ZPLD1: variants seen among roughly 807,000 people sequenced by gnomAD.
ZPLD1 encodes zona pellucida like domain containing 1, also known as zona pellucida-like domain-containing protein 1.
ZPLD1 carries 34 observed loss-of-function variants against 47.2 expected under a neutral mutation model. The ratio of observed to expected loss-of-function variants is 0.72; its 90% CI spans 0.55 to 0.96. The LOEUF is 0.96. ZPLD1 is among the 40% of genes least tolerant of loss of function. The probability of loss-of-function intolerance (pLI) is 0.00; values close to 1 mark genes in which losing one functional copy is unlikely to be tolerated. For synonymous variants in ZPLD1, 176 were observed against 186.2 expected (o/e 0.95, Z 0.45); for missense variants, 512 against 505.8 (o/e 1.01, Z -0.12).
intron 5 of ZPLD1, among the ~76,000 whole-genome samples, 183 bp from the exon 6 acceptor site, chr3:102,457,598 C>T (rs1707438337): frequency 6.6e-6 from 1 of 152,154 alleles, no homozygotes; most frequent in Non-Finnish European, 1.5e-5. Context: ...CTTGTCTTTA[C>T]TTGTTCCCTC....
chr3:102,405,245 G>T (rs773152961), intron 7 of ZPLD1, among the ~76,000 whole-genome samples: 1 of 151,890 alleles, frequency 6.6e-6, no homozygotes, highest in Non-Finnish European at 1.5e-5. Flanking sequence ...TCTCTGATTT[G>T]CAGGGAAAAG....
chr3:102,438,833 C>G (rs1305639529), intron 3 of ZPLD1, among the ~76,000 whole-genome samples: 6 of 151,950 alleles, frequency 3.9e-5, no homozygotes, highest in African/African-American at 1.5e-4. Context: ...AAAAATATTG[C>G]CTACTGTGTA....
At chr3:102,475,925 A>C (rs1707752206) in intron 10 of ZPLD1, among the ~76,000 whole-genome samples, 2 of 152,260 alleles carry the variant, frequency 1.3e-5, no homozygotes, top group South Asian at 4.1e-4. Flanking sequence ...TGAGATATTC[A>C]TCTTCATAAC....
At chr3:102,436,425 T>A (rs1190353324) in intron 1 of ZPLD1, among the ~76,000 whole-genome samples, 3 of 152,236 alleles carry the variant, frequency 2.0e-5, no homozygotes, top group African/African-American at 7.2e-5. Flanking sequence ...AATTGTTTAC[T>A]CATTATAAAT....
chr3:102,421,962 G>A (rs935758907), intron 8 of ZPLD1, among the ~76,000 whole-genome samples: 2 of 151,944 alleles, frequency 1.3e-5, no homozygotes, highest in African/African-American at 4.8e-5. Context: ...TATTTCTAGT[G>A]ATGGATAGAT....
Position 102,477,868 on chromosome 3 carries a change from G to T in ZPLD1, c.*250G>T. On this transcript the variant is annotated 3_prime_UTR_variant, in exon 12 of 12. Transcript: ENST00000466937. ...ATTGACAATAAGTGAAAAATATTCAGGACTTAGGGCTTACAGGATCAGTAA... is the reference window on the plus strand; with the variant it reads ...ATTGACAATAAGTGAAAAATATTCATGACTTAGGGCTTACAGGATCAGTAA... 2 of 322,338 alleles carry T rather than the reference G, an allele frequency of 6.2e-6. No homozygotes were observed. The allele number at this position is 322,338 out of a possible 1,614,324, so 20.0% of individuals were successfully genotyped here.
At chr3:102,400,042 C>T (rs901568339) in intron 7 of ZPLD1, among the ~76,000 whole-genome samples, 3 of 151,998 alleles carry the variant, frequency 2.0e-5, no homozygotes, top group African/African-American at 7.2e-5. Context: ...TGGTCTTGAA[C>T]TCCTGGGCTC....
chr3:102,417,428 T>C (rs111666865), intron 7 of ZPLD1, among the ~76,000 whole-genome samples: 7 of 152,048 alleles, frequency 4.6e-5, no homozygotes, highest in African/African-American at 1.7e-4. Flanking sequence ...TAATAGCTTA[T>C]GGAGTGGAAT....
In ZPLD1 at chr3:102,435,025, T is replaced by G. The variant is rs1361369883; in HGVS notation, c.-252T>G. ...TGTTTTTGAGGAATGTAAAGGGTGT[T>G]AACATAATCCCCCAATCCCATACAA... On this transcript the variant is annotated 5_prime_UTR_variant, in exon 1 of 12. Coordinates refer to ENST00000466937, the MANE Select transcript of ZPLD1 (RefSeq NM_001329788.2). The G allele has an allele frequency of 1.4e-6, 2 of 1,450,308 alleles. No individual in the cohort carries two copies. The highest frequency in any genetic ancestry group is 9.7e-7 in the Non-Finnish European group (1 of 1,033,902). The allele number at this position is 1,450,308 out of a possible 1,614,324, so 89.8% of individuals were successfully genotyped here.
At chr3:102,402,204 T>C (rs1706629304) in intron 7 of ZPLD1, among the ~76,000 whole-genome samples, 1 of 152,186 alleles carries the variant, frequency 6.6e-6, no homozygotes, top group African/African-American at 2.4e-5. Flanking sequence ...TTAGTTTAAG[T>C]ATTTTACTGC....
chr3:102,446,284 C>T (rs917011299), intron 3 of ZPLD1, among the ~76,000 whole-genome samples: 7 of 152,146 alleles, frequency 4.6e-5, no homozygotes, highest in East Asian at 1.9e-4. Context: ...TAGAACATGA[C>T]GGGATGATTA....
chr3:102,432,979 A>G (rs1268381724), upstream of ZPLD1, among the ~76,000 whole-genome samples: 1 of 152,114 alleles, frequency 6.6e-6, no homozygotes, highest in Non-Finnish European at 1.5e-5. Context: ...TGCTTTATTC[A>G]TCTCCATAGC....
At position 102,477,570 on chromosome 3, in the gene ZPLD1, A is replaced by AC; in HGVS notation, c.1203dup (p.Thr402HisfsTer14). ...CACTGGCCCTTCTGCACAGGAAGGG[A>AC]CCCACAAGTTTAGTGTTGAATGGCA... On this transcript the variant is annotated frameshift_variant, in exon 12 of 12. Transcript: ENST00000466937. LOFTEE classifies it high-confidence loss of function. 6.2e-7 allele frequency: 1 copy of AC among 1,613,598 alleles called. No homozygotes were observed.
At chr3:102,398,665 A>AATG (rs1326231792) in intron 7 of ZPLD1, among the ~76,000 whole-genome samples, 1 of 152,154 alleles carries the variant, frequency 6.6e-6, no homozygotes, top group Non-Finnish European at 1.5e-5. Context: ...GACCATCTTC[A>AATG]ATGTGGCCTG....
chr3:102,445,477 G>A (rs1436001918), intron 3 of ZPLD1, among the ~76,000 whole-genome samples: 2 of 152,196 alleles, frequency 1.3e-5, no homozygotes, highest in Admixed American at 6.5e-5. Flanking sequence ...ATCCACCTAT[G>A]AGCTATCTTC....
intron 4 of ZPLD1, among the ~76,000 whole-genome samples, chr3:102,454,945 G>A (rs962259070): frequency 9.2e-5 from 14 of 152,328 alleles, no homozygotes; most frequent in African/African-American, 3.4e-4. Context: ...AATAAAGCAA[G>A]TAGTGGGAGG....
At chr3:102,417,733 G>A (rs1004828779) in intron 7 of ZPLD1, among the ~76,000 whole-genome samples, 1 of 151,942 alleles carries the variant, frequency 6.6e-6, no homozygotes. Context: ...TAACTGTGCA[G>A]ATTAGCTCCC....
rs1707098899 is a variant in ZPLD1, at chr3:102,436,899, GT to G, written c.-80del. ...TTGGGGACAACAGTGTGGGTCTAGAGTTTCCAATGTCTTCCAGGAGTTCTTG... is the reference window on the plus strand; with the variant it reads ...TTGGGGACAACAGTGTGGGTCTAGAGTTCCAATGTCTTCCAGGAGTTCTTG... On this transcript the variant is annotated 5_prime_UTR_variant, in exon 2 of 12. It introduces an in-frame stop codon into an upstream open reading frame of the 5' UTR. Transcript: ENST00000466937. 1 of 985,336 alleles carries G rather than the reference GT, an allele frequency of 1.0e-6. No individual in the cohort carries two copies. The highest frequency in any genetic ancestry group is 1.2e-6 in the Non-Finnish European group (1 of 829,940). The allele number at this position is 985,336 out of a possible 1,614,324, so 61.0% of individuals were successfully genotyped here.
At chr3:102,477,185 A>C (rs1707770967) in intron 11 of ZPLD1, 144 bp downstream of exon 11, 1 of 1,007,468 alleles carries the variant, frequency 9.9e-7, no homozygotes, top group Non-Finnish European at 1.5e-6. Flanking sequence ...TCAAACTCAT[A>C]TGTGATCTAT....
Sources: gnomAD v4.1 joint callset for allele counts (sites outside exome capture counted in the v4.1 genomes callset) on GRCh38, gnomAD v4.1.1 for gene constraint, MANE v1.5 for transcripts, NCBI Gene and HGNC (gene_info 2026-07-23, HGNC 2026-07-21) for gene names.